The following MAST4 variants were observed in gnomAD, a reference collection of about 807,000 sequenced individuals.
MAST4 encodes the protein microtubule-associated serine/threonine-protein kinase 4.
Under a neutral mutation model 162.7 loss-of-function variants are expected in MAST4, and 89 were observed. The ratio of observed to expected loss-of-function variants is 0.55; its 90% CI spans 0.46 to 0.65. The LOEUF is 0.65. MAST4 is among the 30% of genes least tolerant of loss of function. The probability of loss-of-function intolerance (pLI) is 0.00; values close to 1 mark genes in which losing one functional copy is unlikely to be tolerated. For synonymous variants in MAST4, 1,479 were observed against 1,361.1 expected, an observed-to-expected ratio of 1.09 and a Z score of -1.91; for missense variants, 3,153 against 3,374.0, an observed-to-expected ratio of 0.93 and a Z score of 1.62.
intron 1 of MAST4, among the ~76,000 whole-genome samples, chr5:66,610,878 G>T (rs1474572406): frequency 6.6e-6 from 1 of 152,194 alleles, no homozygotes; most frequent in Admixed American, 6.5e-5. Context: ...ATCTTCATTG[G>T]ATGCCCAAGA....
At chr5:66,733,905 G>A (rs953603560) in intron 1 of MAST4, among the ~76,000 whole-genome samples, 1 of 152,050 alleles carries the variant, frequency 6.6e-6, no homozygotes, top group Admixed American at 6.5e-5. Context: ...AGTATGGTTT[G>A]CAGTTAAATA....
rs1401822616 is a variant in MAST4, at chr5:67,145,175, A to G, written c.2890A>G (p.Thr964Ala). ...QQLSTSNSSD[T>A]ESNRHKLSSG... ...GCTATCAACATCCAACTCTTCAGATACTGAAAGCAACAGACATAAACTCAG... is the reference window on the plus strand; with the variant it reads ...GCTATCAACATCCAACTCTTCAGATGCTGAAAGCAACAGACATAAACTCAG... Residue 964 changes from threonine to alanine, a missense_variant, in exon 23 of 29, where the codon ACT becomes GCT. By Grantham distance (58) the Thr-to-Ala change is moderately conservative. Transcript: ENST00000403625. 2 of 1,612,230 alleles carry G rather than the reference A, an allele frequency of 1.2e-6. No homozygotes were observed.
In MAST4 at chr5:66,807,982, T is replaced by C. The variant is rs145856967; in HGVS notation, c.642+19188T>C. On this transcript the variant is annotated intron_variant, in intron 3 of 28. Coordinates refer to ENST00000403625, the MANE Select transcript of MAST4 (RefSeq NM_001164664.2). ...GTTGACTCACTCCAAGGATAATGTT[T>C]ACTGTGCCACCCTGGTCTTCACTGC... 2.3e-3 allele frequency among the ~76,000 whole-genome samples: 348 copies of C among 152,354 alleles called. 1 individual carries two copies. Among genetic ancestry groups the C allele is most frequent in the Admixed American group, 6.5e-3 (99 of 15,304 alleles).
chr5:66,635,092 G>C (rs1390153547), intron 1 of MAST4, among the ~76,000 whole-genome samples: 1 of 152,176 alleles, frequency 6.6e-6, no homozygotes, highest in Non-Finnish European at 1.5e-5. Context: ...CATCATTCTT[G>C]TTAGCCTAGG....
chr5:66,692,649 T>G (rs1749124602), intron 1 of MAST4, among the ~76,000 whole-genome samples: 1 of 152,136 alleles, frequency 6.6e-6, no homozygotes, highest in South Asian at 2.1e-4. Flanking sequence ...TCCTAATATA[T>G]AAAACAACCA....
chr5:66,925,064 G>A (rs1256842238), intron 4 of MAST4, among the ~76,000 whole-genome samples: 1 of 152,092 alleles, frequency 6.6e-6, no homozygotes, highest in Non-Finnish European at 1.5e-5. Flanking sequence ...AGGATAGTTG[G>A]CACAAATGTT....
intron 1 of MAST4, among the ~76,000 whole-genome samples, chr5:66,707,282 A>G (rs1012799520): frequency 2.6e-5 from 4 of 152,134 alleles, no homozygotes; most frequent in African/African-American, 7.2e-5. Context: ...GTTTCAAGCC[A>G]TTGTTTCCAG....
At chr5:67,048,647 C>A (rs952196357) in intron 4 of MAST4, among the ~76,000 whole-genome samples, 3 of 151,782 alleles carry the variant, frequency 2.0e-5, no homozygotes, top group Non-Finnish European at 2.9e-5. Flanking sequence ...GTCATCTTTC[C>A]TTGGGGTGGA....
chr5:66,621,656 C>T (rs950066399), intron 1 of MAST4, among the ~76,000 whole-genome samples: 2 of 152,144 alleles, frequency 1.3e-5, no homozygotes, highest in African/African-American at 4.8e-5. Flanking sequence ...TTCAAGTCAA[C>T]CATACCAATT....
In MAST4 at chr5:67,020,480, G is replaced by A. The variant is rs77021089; in HGVS notation, c.675-33924G>A. ...AAGCTTCTCTTGGAAGGATTGTTTC[G>A]CCTGTTTACCAGCATGTTTAACGTC... On this transcript the variant is annotated intron_variant, in intron 4 of 28. Coordinates refer to ENST00000403625, the MANE Select transcript of MAST4 (RefSeq NM_001164664.2). Among the ~76,000 whole-genome samples the A allele has an allele frequency of 1.1e-3, 174 of 152,296 alleles. 1 individual carries two copies. The highest frequency in any genetic ancestry group is 4.0e-3 in the African/African-American group (165 of 41,556).
intron 1 of MAST4, among the ~76,000 whole-genome samples, chr5:66,750,957 G>T (rs969405500): frequency 4.6e-5 from 7 of 152,232 alleles, no homozygotes; most frequent in African/African-American, 1.7e-4. Context: ...CTGAGAACAG[G>T]CAGACTGCCT....
At chr5:66,653,653 A>G (rs1746368899) in intron 1 of MAST4, among the ~76,000 whole-genome samples, 1 of 152,152 alleles carries the variant, frequency 6.6e-6, no homozygotes, top group South Asian at 2.1e-4. Flanking sequence ...CCTCCTTGGC[A>G]TCTGCTTTGC....
At chr5:66,889,942 T>G (rs866569673) in intron 3 of MAST4, among the ~76,000 whole-genome samples, 27 of 152,238 alleles carry the variant, frequency 1.8e-4, no homozygotes, top group African/African-American at 6.5e-4. Flanking sequence ...TGATCCTATT[T>G]GTTTAATCAC....
intron 2 of MAST4, among the ~76,000 whole-genome samples, chr5:66,786,442 AAAATACAAATAAAT>A (rs2044291286): frequency 6.6e-6 from 1 of 152,166 alleles, no homozygotes; most frequent in Admixed American, 6.5e-5. Flanking sequence ...AAATGCAAAT[AAAATACAAATAAAT>A]AAATACAAAT....
Position 66,866,005 on chromosome 5 carries a change from G to A in MAST4, c.643-33946G>A, listed in dbSNP as rs1382464597. On this transcript the variant is annotated intron_variant, in intron 3 of 28. Transcript: ENST00000403625. ...CAGGAGAATCGCTTGAACCCTGGGG[G>A]TGGAGGTTGCAGTGAGCCTAGATCG... Among the ~76,000 whole-genome samples the A allele has an allele frequency of 2.0e-5, 3 of 150,726 alleles. 1 individual carries two copies. Among genetic ancestry groups the A allele is most frequent in the Admixed American group, 1.3e-4 (2 of 15,104 alleles).
intron 4 of MAST4, among the ~76,000 whole-genome samples, chr5:66,914,792 C>A (rs1763998834): frequency 1.3e-5 from 2 of 152,164 alleles, no homozygotes; most frequent in African/African-American, 2.4e-5. Context: ...ATCTAGAGAC[C>A]TTTTTGGTTG....
At chr5:66,945,153 A>G (rs2150114024) in intron 4 of MAST4, among the ~76,000 whole-genome samples, 1 of 152,244 alleles carries the variant, frequency 6.6e-6, no homozygotes, top group East Asian at 1.9e-4. Context: ...GCTAGGTACA[A>G]TGGTATGACT....
Position 67,145,150 on chromosome 5 carries a change from G to A in MAST4, c.2865G>A (p.Gln955=), listed in dbSNP as rs1350452148. The stretch of plus-strand genomic sequence containing the variant: ...GTTTTTGCTTTTAATTAAGGCAACA[G>A]CTATCAACATCCAACTCTTCAGATA... ...SWSSEYSEMQ[Q]LSTSNSSDTE... The change falls in exon 23 of 29, where the codon CAG becomes CAA. Residue 955 remains glutamine, a synonymous_variant. Transcript: ENST00000403625. 5 of 1,607,074 alleles carry A rather than the reference G, an allele frequency of 3.1e-6. No individual in the cohort carries two copies. The highest frequency in any genetic ancestry group is 1.1e-5 in the South Asian group (1 of 89,698).
intron 2 of MAST4, among the ~76,000 whole-genome samples, chr5:66,762,022 G>A (rs1034395636): frequency 2.6e-5 from 4 of 152,138 alleles, no homozygotes; most frequent in Admixed American, 2.6e-4. Context: ...TGCTAAAGCA[G>A]TTTACATAAA....
Sources: gnomAD v4.1 joint callset for allele counts (sites outside exome capture counted in the v4.1 genomes callset) on GRCh38, gnomAD v4.1.1 for gene constraint, MANE v1.5 for transcripts, NCBI Gene and HGNC (gene_info 2026-07-23, HGNC 2026-07-21) for gene names.